Variants in CADM2 observed in about 807,000 individuals in gnomAD.
CADM2 encodes cell adhesion molecule 2.
A neutral mutation model predicts 49.8 loss-of-function variants in CADM2; 12 were observed. That is an observed-to-expected ratio of 0.24 (90% CI 0.15 to 0.39). The LOEUF (loss-of-function observed/expected upper bound fraction) is 0.39, where lower values mean the gene tolerates loss of function less well. Ranked by LOEUF, CADM2 falls within the 10% of genes least tolerant of loss-of-function variation. CADM2 has a pLI of 1.00. For synonymous variants in CADM2, 214 were observed against 175.4 expected, an observed-to-expected ratio of 1.22 and a Z score of -1.74; for missense variants, 378 against 492.3, an observed-to-expected ratio of 0.77 and a Z score of 2.20.
At chr3:85,844,769 C>T (rs561339052) in intron 3 of CADM2, among the ~76,000 whole-genome samples, 3 of 152,052 alleles carry the variant, frequency 2.0e-5, no homozygotes, top group Non-Finnish European at 2.9e-5. Flanking sequence ...TACACACACA[C>T]ACATATTGCA....
chr3:85,168,333 G>A (rs1222845486), intron 1 of CADM2, among the ~76,000 whole-genome samples: 2 of 152,096 alleles, frequency 1.3e-5, no homozygotes, highest in Non-Finnish European at 2.9e-5. Context: ...GTGATTACAG[G>A]CATGAGCTAC....
At chr3:85,576,016 A>G (rs2062624125) in intron 1 of CADM2, among the ~76,000 whole-genome samples, 1 of 152,146 alleles carries the variant, frequency 6.6e-6, no homozygotes, top group East Asian at 1.9e-4. Context: ...GGTTTTGTGA[A>G]TTTTAGCACA....
At chr3:85,112,962 T>A (rs1023639865) in intron 1 of CADM2, among the ~76,000 whole-genome samples, 1 of 151,928 alleles carries the variant, frequency 6.6e-6, no homozygotes, top group African/African-American at 2.4e-5. Context: ...ATTGCATATA[T>A]ACAATTTAAT....
chr3:85,296,998 A>G (rs2043980872), intron 1 of CADM2, among the ~76,000 whole-genome samples: 1 of 149,978 alleles, frequency 6.7e-6, no homozygotes, highest in South Asian at 2.1e-4. Context: ...GTCTCTTGTA[A>G]TTTTTCTGTG....
intron 1 of CADM2, among the ~76,000 whole-genome samples, chr3:85,071,514 G>T (rs1458400450): frequency 6.6e-6 from 1 of 152,134 alleles, no homozygotes; most frequent in South Asian, 2.1e-4. Context: ...CAGACACCTT[G>T]TGTTCCACTC....
At chr3:85,930,728 C>T (rs1720479776) in intron 6 of CADM2, among the ~76,000 whole-genome samples, 1 of 151,812 alleles carries the variant, frequency 6.6e-6, no homozygotes, top group African/African-American at 2.4e-5. Flanking sequence ...CTGTGCCTCG[C>T]TTATTTCACA....
intron 1 of CADM2, among the ~76,000 whole-genome samples, chr3:85,664,923 C>T (rs1406619510): frequency 6.6e-6 from 1 of 151,876 alleles, no homozygotes; most frequent in Non-Finnish European, 1.5e-5. Context: ...GATAATAAAT[C>T]ATTAATTTAC....
intron 5 of CADM2, among the ~76,000 whole-genome samples, chr3:85,902,545 T>C (rs78819252): frequency 0.034 from 5,180 of 151,870 alleles, 299 homozygotes; most frequent in African/African-American, 0.12. Context: ...AATTTCCATG[T>C]ATGATATTAC....
intron 1 of CADM2, among the ~76,000 whole-genome samples, chr3:85,523,759 C>T (rs1369032102): frequency 6.6e-6 from 1 of 151,702 alleles, no homozygotes; most frequent in Admixed American, 6.6e-5. Flanking sequence ...TTTTTTACTG[C>T]AACACATTAT....
At chr3:85,429,747 AG>A (rs564392029) in intron 1 of CADM2, among the ~76,000 whole-genome samples, 75 of 152,302 alleles carry the variant, frequency 4.9e-4, no homozygotes, top group South Asian at 1.2e-3. Flanking sequence ...ATTATAATCT[AG>A]GACAAATATT....
intron 1 of CADM2, among the ~76,000 whole-genome samples, chr3:85,073,245 T>A (rs995529308): frequency 1.3e-5 from 2 of 152,096 alleles, no homozygotes; most frequent in Non-Finnish European, 2.9e-5. Flanking sequence ...GTTGTGCAGT[T>A]TAAGGTGAGT....
At chr3:85,712,722 G>T (rs2067153061) in intron 1 of CADM2, among the ~76,000 whole-genome samples, 1 of 131,984 alleles carries the variant, frequency 7.6e-6, no homozygotes, top group Admixed American at 7.4e-5. Flanking sequence ...GTTTAGTTCA[G>T]ATCATGTTAA....
chr3:85,639,911 T>C (rs1335310890), intron 1 of CADM2, among the ~76,000 whole-genome samples: 2 of 152,216 alleles, frequency 1.3e-5, no homozygotes, highest in East Asian at 3.8e-4. Context: ...CTCCAAATCT[T>C]TTTATGATCT....
At chr3:85,851,937 G>T (rs190083834) in intron 3 of CADM2, among the ~76,000 whole-genome samples, 162 of 152,138 alleles carry the variant, frequency 1.1e-3, no homozygotes, top group African/African-American at 3.8e-3. Flanking sequence ...TGGAGAGGAG[G>T]TTGAGTAATT....
At chr3:85,087,031 T>G (rs1394361235) in intron 1 of CADM2, among the ~76,000 whole-genome samples, 1 of 152,160 alleles carries the variant, frequency 6.6e-6, no homozygotes. Flanking sequence ...AGAAGAGTTC[T>G]GTGGCTTGTA....
chr3:85,827,498 T>C (rs533718626), intron 3 of CADM2, among the ~76,000 whole-genome samples: 128 of 152,088 alleles, frequency 8.4e-4, no homozygotes, highest in African/African-American at 3.0e-3. Flanking sequence ...TAAAATTCTT[T>C]AGAAATTCAA....
At chr3:85,852,826 T>C (rs1178381439) in intron 3 of CADM2, among the ~76,000 whole-genome samples, 1 of 152,072 alleles carries the variant, frequency 6.6e-6, no homozygotes, top group East Asian at 1.9e-4. Flanking sequence ...ATTTACTCTT[T>C]CTGGGAAGTT....
chr3:85,239,276 A>T (rs2042476543), intron 1 of CADM2, among the ~76,000 whole-genome samples: 1 of 151,858 alleles, frequency 6.6e-6, no homozygotes, highest in African/African-American at 2.4e-5. Flanking sequence ...GTCTTTTGAC[A>T]GAGCTGTTGC....
chr3:86,006,203 C>A (rs1024802234), intron 8 of CADM2, among the ~76,000 whole-genome samples: 2 of 152,140 alleles, frequency 1.3e-5, no homozygotes, highest in Admixed American at 6.5e-5. Context: ...TTTTACTACC[C>A]AATTTTTGCT....
Sources: gnomAD v4.1 joint callset for allele counts (sites outside exome capture counted in the v4.1 genomes callset) on GRCh38, gnomAD v4.1.1 for gene constraint, MANE v1.5 for transcripts, NCBI Gene and HGNC (gene_info 2026-07-23, HGNC 2026-07-21) for gene names.